The following CHN2 variants were observed in gnomAD, a reference collection of about 807,000 sequenced individuals.
CHN2 encodes beta-chimaerin.
A neutral mutation model predicts 56.3 loss-of-function variants in CHN2; 35 were observed. That is an observed-to-expected ratio of 0.62 (90% confidence interval 0.47 to 0.82). The LOEUF (loss-of-function observed/expected upper bound fraction) is 0.82. Ranked by LOEUF, CHN2 falls within the 40% of genes least tolerant of loss-of-function variation. The probability of loss-of-function intolerance (pLI) is 0.00; values close to 1 mark genes in which losing one functional copy is unlikely to be tolerated. For synonymous variants in CHN2, 210 were observed against 212.8 expected (o/e 0.99, Z 0.12); for missense variants, 491 against 580.5 (o/e 0.85, Z 1.58).
intron 2 of CHN2, among the ~76,000 whole-genome samples, chr7:29,150,365 G>A (rs941995184): frequency 6.6e-6 from 1 of 152,158 alleles, no homozygotes; most frequent in South Asian, 2.1e-4. Context: ...CTCAAAAAAT[G>A]GCAGCTGTAA....
At chr7:29,355,612 G>GGA (rs1798231386) in intron 2 of CHN2, among the ~76,000 whole-genome samples, 1 of 151,634 alleles carries the variant, frequency 6.6e-6, no homozygotes, top group South Asian at 2.1e-4. Flanking sequence ...CAGAGCCAGG[G>GGA]TGCGCAGGCC....
rs749094312 is a variant in CHN2, at chr7:29,507,265, A to G, written c.1029A>G (p.Pro343=). 3 of 1,612,974 alleles carry G rather than the reference A, an allele frequency of 1.9e-6. No individual in the cohort carries two copies. Among genetic ancestry groups the G allele is most frequent in the Non-Finnish European group, 2.5e-6 (3 of 1,179,618 alleles). The change falls in exon 11 of 13, where the codon CCA becomes CCG. Residue 343 remains proline, a synonymous_variant. Coordinates refer to ENST00000222792, the MANE Select transcript of CHN2 (RefSeq NM_004067.4). ...EKADISANVY[P]DINIITGALK... ...CCGATATATCTGCCAATGTCTATCCAGACATAAACATCATCACTGGAGCCC... is the reference window on the plus strand; with the variant it reads ...CCGATATATCTGCCAATGTCTATCCGGACATAAACATCATCACTGGAGCCC...
chr7:29,381,447 A>C (rs1800490791), intron 3 of CHN2, among the ~76,000 whole-genome samples: 1 of 152,138 alleles, frequency 6.6e-6, no homozygotes, highest in Non-Finnish European at 1.5e-5. Context: ...CACGGTGCCA[A>C]AGAAGATGTA....
rs541973595 is a variant in CHN2 at position 29,419,057 on chromosome 7, A to T, written c.576+18229A>T. On this transcript the variant is annotated intron_variant, in intron 6 of 12. Coordinates refer to ENST00000222792, the MANE Select transcript of CHN2 (RefSeq NM_004067.4). ...GGCACATGGTGGCAGTTCTTTTTTT[A>T]AATTTTCCAAGAACTGACAACTGTT... is the stretch of plus-strand genomic sequence containing the variant. Among the ~76,000 whole-genome samples, 45 of 152,222 alleles carry T rather than the reference A, an allele frequency of 3.0e-4. 3 individuals are homozygous for T. The South Asian group carries it at 4.6e-3, about 15-fold the overall frequency.
In CHN2 at chr7:29,233,825, A is replaced by ATTTTTTTTTTTTTTTTTTT. The variant is rs1175429614; in HGVS notation, c.49+38843_49+38861dup. Among the ~76,000 whole-genome samples, 14 of 53,200 alleles carry ATTTTTTTTTTTTTTTTTTT rather than the reference A, an allele frequency of 2.6e-4. 2 individuals carry two copies. The highest frequency in any genetic ancestry group is 1.0e-3 in the East Asian group (1 of 996). 34.9% of individuals were successfully genotyped at this position (53,200 alleles called of 152,430 possible). ...AGAATGCAGCCCTGCCAACACCTTG[A>ATTTTTTTTTTTTTTTTTTT]TTTTTTTTTTTTTTTTTTTTTTTTT... On this transcript the variant is annotated intron_variant, in intron 1 of 12. Coordinates refer to ENST00000222792, the MANE Select transcript of CHN2 (RefSeq NM_004067.4).
At chr7:29,294,872 T>C (rs965190164) in intron 1 of CHN2, among the ~76,000 whole-genome samples, 2 of 152,140 alleles carry the variant, frequency 1.3e-5, no homozygotes, top group Admixed American at 1.3e-4. Flanking sequence ...TGCAGACTTG[T>C]GTGTGAAGCC....
intron 1 of CHN2, among the ~76,000 whole-genome samples, chr7:29,210,500 A>G (rs1271062292): frequency 6.6e-6 from 1 of 152,164 alleles, no homozygotes; most frequent in Non-Finnish European, 1.5e-5. Flanking sequence ...TCCAGATTTT[A>G]GAGATACTGC....
intron 7 of CHN2, among the ~76,000 whole-genome samples, chr7:29,487,430 T>C (rs1265583646): frequency 6.6e-6 from 1 of 151,922 alleles, no homozygotes; most frequent in African/African-American, 2.4e-5. Flanking sequence ...TGAAGAGGAG[T>C]TGTTTTTGTC....
In CHN2 at chr7:29,195,001, G is replaced by A. The variant is rs750896966; in HGVS notation, c.49+11G>A. On this transcript the variant is annotated intron_variant, in intron 1 of 12. Transcript: ENST00000222792. ...CGTCGGTGTCCTCCGGTGAGTTTCAGCCCGTCGGGCGCTGCTGCCGCGCCG... is the reference window on the plus strand; with the variant it reads ...CGTCGGTGTCCTCCGGTGAGTTTCAACCCGTCGGGCGCTGCTGCCGCGCCG... 3.2e-6 allele frequency: 5 copies of A among 1,584,614 alleles called. No individual in the cohort carries two copies. In the South Asian group the frequency reaches 4.6e-5, roughly 14 times the overall value.
intron 6 of CHN2, among the ~76,000 whole-genome samples, chr7:29,423,791 A>G (rs542598126): frequency 8.5e-5 from 13 of 152,296 alleles, no homozygotes; most frequent in Admixed American, 6.5e-4. Flanking sequence ...ATGGGACTTC[A>G]GGAGTTGTCA....
At chr7:29,162,802 AG>A (rs933894981) in intron 2 of CHN2, among the ~76,000 whole-genome samples, 1 of 152,238 alleles carries the variant, frequency 6.6e-6, no homozygotes, top group Non-Finnish European at 1.5e-5. Context: ...TGGCTGCCAA[AG>A]GTTAGGGAAG....
chr7:29,261,705 A>G (rs1789570405), intron 1 of CHN2, among the ~76,000 whole-genome samples: 1 of 152,252 alleles, frequency 6.6e-6, no homozygotes, highest in Admixed American at 6.5e-5. Context: ...ATTACTTCAA[A>G]TAAATACCAG....
At chr7:29,239,901 C>T (rs1001687316) in intron 1 of CHN2, among the ~76,000 whole-genome samples, 5 of 152,098 alleles carry the variant, frequency 3.3e-5, no homozygotes, top group African/African-American at 4.8e-5. Flanking sequence ...CATTGTTGCC[C>T]GTTCTTCTAG....
intron 7 of CHN2, among the ~76,000 whole-genome samples, chr7:29,485,130 A>G (rs1324629998): frequency 6.6e-6 from 1 of 152,230 alleles, no homozygotes; most frequent in Non-Finnish European, 1.5e-5. Context: ...CATTTTTAGT[A>G]GCAAGTTGAA....
At chr7:29,404,011 C>T (rs1377524611) in intron 6 of CHN2, among the ~76,000 whole-genome samples, 1 of 152,162 alleles carries the variant, frequency 6.6e-6, no homozygotes, top group Non-Finnish European at 1.5e-5. Context: ...CAGGAATCAC[C>T]ATCCCCATCT....
intron 1 of CHN2, among the ~76,000 whole-genome samples, chr7:29,241,086 A>G (rs1225685307): frequency 4.6e-5 from 7 of 152,060 alleles, no homozygotes; most frequent in Non-Finnish European, 1.0e-4. Flanking sequence ...GGGTTTCACC[A>G]TGTTGGCCAG....
intron 3 of CHN2, among the ~76,000 whole-genome samples, chr7:29,390,840 G>A (rs1801307070): frequency 6.6e-6 from 1 of 151,806 alleles, no homozygotes; most frequent in Non-Finnish European, 1.5e-5. Flanking sequence ...CTTTGTCCCT[G>A]GGAGCCCTAG....
At chr7:29,426,878 T>C (rs1347632659) in intron 6 of CHN2, among the ~76,000 whole-genome samples, 2 of 152,194 alleles carry the variant, frequency 1.3e-5, no homozygotes, top group Admixed American at 1.3e-4. Flanking sequence ...GGACTGGCCA[T>C]TGCTCCCGGT....
At chr7:29,273,193 T>A (rs1790802255) in intron 1 of CHN2, among the ~76,000 whole-genome samples, 1 of 151,594 alleles carries the variant, frequency 6.6e-6, no homozygotes, top group Non-Finnish European at 1.5e-5. Context: ...AAATTCCACA[T>A]ATAAGTGAGA....
Sources: gnomAD v4.1 joint callset for allele counts (sites outside exome capture counted in the v4.1 genomes callset) on GRCh38, gnomAD v4.1.1 for gene constraint, MANE v1.5 for transcripts, NCBI Gene and HGNC (gene_info 2026-07-23, HGNC 2026-07-21) for gene names.